The following INSIG1 variants were observed in gnomAD, a reference collection of about 807,000 sequenced individuals.
INSIG1 encodes the protein insulin-induced gene 1 protein.
In INSIG1, 14 loss-of-function variants were observed where a neutral mutation model predicts 26.5. That is an observed-to-expected ratio of 0.53 (90% CI 0.35 to 0.83). The LOEUF (loss-of-function observed/expected upper bound fraction) is 0.83, where lower values mean the gene tolerates loss of function less well. Ranked by LOEUF, INSIG1 falls within the 40% of genes least tolerant of loss-of-function variation. The probability of loss-of-function intolerance (pLI) is 0.01; values close to 1 mark genes in which losing one functional copy is unlikely to be tolerated. For missense variants in INSIG1, 272 were observed against 368.9 expected (o/e 0.74, Z 2.15); for synonymous variants, 147 against 153.3 (o/e 0.96, Z 0.30).
intron 5 of INSIG1, chr7:155,303,717 T>TAA: frequency 3.7e-5 from 15 of 403,756 alleles, no homozygotes; most frequent in East Asian, 8.6e-5. Context: ...GAAAGTAAAT[T>TAA]AAAAAAAACA....
rs761289239 is a variant in INSIG1, at chr7:155,301,527, A to G, written c.413-39A>G. 2.6e-6 allele frequency: 4 copies of G among 1,565,040 alleles called. No individual in the cohort carries two copies. The Admixed American group carries it at 7.0e-5, about 27-fold the overall frequency. On this transcript the variant is annotated intron_variant, in intron 2 of 5. Coordinates refer to ENST00000340368, the MANE Select transcript of INSIG1 (RefSeq NM_005542.6). ...ACCACGTTGAAATTCTGGAACTTGAATCTGCTGTATTCTAACATTGTCAAC... is the reference window on the plus strand; with the variant it reads ...ACCACGTTGAAATTCTGGAACTTGAGTCTGCTGTATTCTAACATTGTCAAC...
intron 1 of INSIG1, 46 bp from the exon 2 acceptor site, chr7:155,298,213 C>T (rs1797674500): frequency 3.0e-6 from 4 of 1,352,194 alleles, no homozygotes; most frequent in South Asian, 3.8e-5. Context: ...GGGCCTTCCT[C>T]GCTCTTTGTC....
rs774540117 is a variant in INSIG1, at chr7:155,303,787, T to C, written c.804+941T>C. The C allele has an allele frequency of 5.8e-6, 7 of 1,212,394 alleles. No homozygotes were observed. In the South Asian group the frequency reaches 7.4e-5, roughly 13 times the overall value. The allele number at this position is 1,212,394 out of a possible 1,614,324, so 75.1% of individuals were successfully genotyped here. A position where few individuals can be genotyped will look rare whatever the true frequency, so the allele number is the denominator to read the frequency against. On this transcript the variant is annotated intron_variant, in intron 5 of 5. Transcript: ENST00000340368. The stretch of plus-strand genomic sequence containing the variant: ...CTCTGGGAAAACTTATCTTAGTACC[T>C]CATGCTATTTTTAAAACAGTACATT...
At position 155,302,500 on chromosome 7, in the gene INSIG1, A is replaced by G; in HGVS notation, c.704+83A>G. The G allele has an allele frequency of 4.6e-6, 6 of 1,304,958 alleles. No individual in the cohort carries two copies. The highest frequency in any genetic ancestry group is 6.2e-6 in the Non-Finnish European group (6 of 967,658). 80.8% of individuals were successfully genotyped at this position (1,304,958 alleles called of 1,614,324 possible). On this transcript the variant is annotated intron_variant, in intron 4 of 5. Transcript: ENST00000340368. This position sits in a 1 kb window ranked among gnomAD's most constrained non-coding sequence, Gnocchi z 4.3. ...ATCCACTAAGCTTAGATATTTTCAT[A>G]TTTTATTTGTTTTTTATATAGAATG...
chr7:155,308,569 G>T lies in INSIG1; in HGVS notation c.*299G>T. 2.6e-6 allele frequency: 1 copy of T among 389,818 alleles called. No individual in the cohort carries two copies. Among genetic ancestry groups the T allele is most frequent in the Non-Finnish European group, 4.8e-6 (1 of 210,156 alleles). 24.1% of individuals were successfully genotyped at this position (389,818 alleles called of 1,614,324 possible). ...CCCAAGTATTCGATTTCATTCATGT[G>T]ATTAAAACAAGTTGCCATATTTCAA... On this transcript the variant is annotated 3_prime_UTR_variant, in exon 6 of 6. Coordinates refer to ENST00000340368, the MANE Select transcript of INSIG1 (RefSeq NM_005542.6).
At position 155,310,172 on chromosome 7, in the gene INSIG1, T is replaced by G. The variant is rs899461650; in HGVS notation, c.*1902T>G. On this transcript the variant is annotated 3_prime_UTR_variant, in exon 6 of 6. Coordinates refer to ENST00000340368, the MANE Select transcript of INSIG1 (RefSeq NM_005542.6). ...CATCTAGTGAGGTTCACATTCATACTAAGTTTTCAACATTGTGTTCTTTTT... is the reference window on the plus strand; with the variant it reads ...CATCTAGTGAGGTTCACATTCATACGAAGTTTTCAACATTGTGTTCTTTTT... The G allele has an allele frequency of 2.6e-5, 4 of 152,696 alleles. No homozygotes were observed. Among genetic ancestry groups the G allele is most frequent in the African/African-American group, 4.8e-5 (2 of 41,466 alleles). 9.5% of individuals were successfully genotyped at this position (152,696 alleles called of 1,614,324 possible).
chr7:155,298,359 C>G lies in INSIG1; in HGVS notation c.74C>G (p.Ala25Gly). 1 of 1,517,954 alleles carries G rather than the reference C, an allele frequency of 6.6e-7. No homozygotes were observed. 94.0% of individuals were successfully genotyped at this position (1,517,954 alleles called of 1,614,324 possible). A position where few individuals can be genotyped will look rare whatever the true frequency, so the allele number is the denominator to read the frequency against. ...GCGAGGCGCCGAGGCCCCCCGCGAG[C>G]CAGCGCCGCGGGGCTGGCGGCCAAG... The part of the protein sequence containing the change: ...HSARRRGPPR[A>G]SAAGLAAKVG... Residue 25 changes from alanine to glycine, a missense_variant, in exon 2 of 6, where the codon GCC (alanine) becomes GGC (glycine). By Grantham distance (60) the Ala-to-Gly change is moderately conservative (BLOSUM62 0). Transcript: ENST00000340368.
At chr7:155,301,887 T>A (rs968056367) in intron 3 of INSIG1, among the ~76,000 whole-genome samples, 197 bp downstream of exon 3, 1 of 147,840 alleles carries the variant, frequency 6.8e-6, no homozygotes, top group Non-Finnish European at 1.5e-5. Context: ...TGTTTTATGG[T>A]CAAAATAAAT....
At chr7:155,305,356 C>T (rs1436068732) in intron 5 of INSIG1, among the ~76,000 whole-genome samples, 4 of 152,098 alleles carry the variant, frequency 2.6e-5, no homozygotes, top group Non-Finnish European at 2.9e-5. Context: ...CATCAAACCC[C>T]GGAAATGGCC....
chr7:155,299,751 C>T (rs984114417), intron 2 of INSIG1, among the ~76,000 whole-genome samples: 7 of 152,186 alleles, frequency 4.6e-5, no homozygotes, highest in Admixed American at 1.3e-4. Context: ...ACAGCAATAC[C>T]ATGTGTAGCT....
chr7:155,302,293 G>A lies in INSIG1; in HGVS notation c.580G>A (p.Ala194Thr). ...TAATGTCCAGCTGTCCTTGACTTTA[G>A]CAGCCCTATCTTTGGGCCTTTGGTG... The part of the protein sequence containing the change: ...ANNVQLSLTL[A>T]ALSLGLWWTF... The change falls in exon 4 of 6, where the codon GCA (alanine) becomes ACA (threonine). Residue 194 changes from alanine (A) to threonine (T), a missense_variant. Ala to Thr is a moderately conservative substitution (Grantham distance 58). Coordinates refer to ENST00000340368, the MANE Select transcript of INSIG1 (RefSeq NM_005542.6). The surrounding 1 kb of genome is among the most constrained non-coding windows in gnomAD (Gnocchi z 4.3). 6.2e-7 allele frequency: 1 copy of A among 1,600,730 alleles called. No individual in the cohort carries two copies.
Position 155,308,531 on chromosome 7 carries a change from C to A in INSIG1, c.*261C>A. 1 of 475,040 alleles carries A rather than the reference C, an allele frequency of 2.1e-6. No individual in the cohort carries two copies. The highest frequency in any genetic ancestry group is 3.9e-6 in the Non-Finnish European group (1 of 259,208). The allele number at this position is 475,040 out of a possible 1,614,324, so 29.4% of individuals were successfully genotyped here. A position where few individuals can be genotyped will look rare whatever the true frequency, so the allele number is the denominator to read the frequency against. On this transcript the variant is annotated 3_prime_UTR_variant, in exon 6 of 6. Coordinates refer to ENST00000340368, the MANE Select transcript of INSIG1 (RefSeq NM_005542.6). ...TCTGCCCAGGCTACGTGGGTTCAGG[C>A]AGGTGGCAGCTTCCCAAGTATTCGA... is the stretch of plus-strand genomic sequence containing the variant.
chr7:155,304,640 A>G (rs1563032591), intron 5 of INSIG1, among the ~76,000 whole-genome samples: 1 of 152,250 alleles, frequency 6.6e-6, no homozygotes. Context: ...ACATCTAGAA[A>G]TGGTTGGAGG....
chr7:155,298,667 TG>T lies in INSIG1; in HGVS notation c.385del (p.Val129SerfsTer40). On this transcript the variant is annotated frameshift_variant, in exon 2 of 6. Transcript: ENST00000340368. LOFTEE classifies it high-confidence loss of function. ...CGCCACCATCTTTTCCTCCGCCTGG[TG>T]GGTCCCTCCCTGCTGCGGGACAGCA... is the stretch of plus-strand genomic sequence containing the variant. ...VIATIFSSAW[W>X]VPPCCGTAAA... 6.2e-7 allele frequency: 1 copy of T among 1,612,404 alleles called. No homozygotes were observed. The highest frequency in any genetic ancestry group is 8.5e-7 in the Non-Finnish European group (1 of 1,179,934).
At chr7:155,307,394 G>A (rs944380927) in intron 5 of INSIG1, among the ~76,000 whole-genome samples, 1 of 152,212 alleles carries the variant, frequency 6.6e-6, no homozygotes, top group Non-Finnish European at 1.5e-5. Context: ...GGGCAATTAA[G>A]TAACGTGGGA....
intron 5 of INSIG1, 31 bp from the exon 6 acceptor site, chr7:155,308,210 C>G: frequency 8.4e-7 from 1 of 1,193,958 alleles, no homozygotes; most frequent in South Asian, 1.3e-5. Context: ...CTAATTTTCT[C>G]TTTCCTTTTT....
intron 2 of INSIG1, 128 bp from the exon 3 acceptor site, chr7:155,301,438 A>T: frequency 1.3e-6 from 1 of 796,924 alleles, no homozygotes; most frequent in Non-Finnish European, 1.9e-6. Flanking sequence ...ATCACTCTGA[A>T]GTTATAGCTG....
Position 155,298,483 on chromosome 7 carries a change from G to T in INSIG1, c.198G>T (p.Ala66=), listed in dbSNP as rs777091364. The change falls in exon 2 of 6, where the codon GCG becomes GCT. Residue 66 remains alanine (A), a synonymous_variant. Coordinates refer to ENST00000340368, the MANE Select transcript of INSIG1 (RefSeq NM_005542.6). ...CCGCGCCCAGGGGCCGCAGTGCTGC[G>T]ATGAGCGGCCCCGAGCCCGGCAGCC... ...ADPAPRGRSA[A]MSGPEPGSPY... 7 of 1,565,890 alleles carry T rather than the reference G, an allele frequency of 4.5e-6. No homozygotes were observed. The African/African-American group carries it at 5.4e-5, about 12-fold the overall frequency.
chr7:155,308,570 A>G lies in INSIG1; in HGVS notation c.*300A>G, dbSNP rs1798000695. 5.1e-6 allele frequency: 2 copies of G among 389,746 alleles called. No homozygotes were observed. Among genetic ancestry groups the G allele is most frequent in the Non-Finnish European group, 9.5e-6 (2 of 209,998 alleles). 24.1% of individuals were successfully genotyped at this position (389,746 alleles called of 1,614,324 possible). ...CCAAGTATTCGATTTCATTCATGTG[A>G]TTAAAACAAGTTGCCATATTTCAAA... On this transcript the variant is annotated 3_prime_UTR_variant, in exon 6 of 6. Coordinates refer to ENST00000340368, the MANE Select transcript of INSIG1 (RefSeq NM_005542.6).
Sources: allele counts gnomAD v4.1 joint callset (sites outside exome capture counted in the v4.1 genomes callset), GRCh38; gene constraint gnomAD v4.1.1; non-coding constraint Gnocchi (gnomAD v3.1); transcripts MANE v1.5; gene names NCBI Gene and HGNC (gene_info 2026-07-23, HGNC 2026-07-21).